SGIP1: variants seen among roughly 807,000 people sequenced by gnomAD.
The protein encoded by SGIP1 is SH3GL interacting endocytic adaptor 1.
A neutral mutation model predicts 107.5 loss-of-function variants in SGIP1; 38 were observed. The observed-to-expected ratio is 0.35, with a 90% CI of 0.27 to 0.46. The LOEUF (loss-of-function observed/expected upper bound fraction) is 0.46, where lower values mean the gene tolerates loss of function less well. SGIP1 is among the 20% of genes least tolerant of loss of function. The probability of loss-of-function intolerance (pLI) is 1.00; values close to 1 mark genes in which losing one functional copy is unlikely to be tolerated. For missense variants in SGIP1, 929 were observed against 1,019.5 expected (o/e 0.91, Z 1.21); for synonymous variants, 365 against 366.1 (o/e 1.00, Z 0.03).
intron 12 of SGIP1, 85 bp from the exon 13 acceptor site, chr1:66,676,919 G>C: frequency 9.4e-7 from 1 of 1,064,704 alleles, no homozygotes; most frequent in Non-Finnish European, 1.4e-6. Flanking sequence ...ATTTTGTAAA[G>C]CTCAACTTGA....
intron 18 of SGIP1, among the ~76,000 whole-genome samples, chr1:66,718,048 T>C (rs1244878658): frequency 6.6e-6 from 1 of 152,096 alleles, no homozygotes; most frequent in Non-Finnish European, 1.5e-5. Flanking sequence ...GTCCAAGATA[T>C]TGAAAGCCAA....
At chr1:66,665,496 A>G (rs950112673) in intron 8 of SGIP1, among the ~76,000 whole-genome samples, 43 of 152,194 alleles carry the variant, frequency 2.8e-4, no homozygotes, top group African/African-American at 9.2e-4. Flanking sequence ...CAGTAATGGG[A>G]TCACTGGGTC....
intron 1 of SGIP1, among the ~76,000 whole-genome samples, chr1:66,589,556 C>T (rs1239022575): frequency 6.6e-6 from 1 of 151,864 alleles, no homozygotes; most frequent in Non-Finnish European, 1.5e-5. Flanking sequence ...GGACTTTGTG[C>T]CTCCCCACCA....
intron 1 of SGIP1, among the ~76,000 whole-genome samples, chr1:66,569,237 A>G (rs1056118102): frequency 6.6e-6 from 1 of 151,812 alleles, no homozygotes; most frequent in Non-Finnish European, 1.5e-5. Flanking sequence ...GTCTTATTGC[A>G]TTAGAAAGGG....
At chr1:66,740,781 T>G in intron 23 of SGIP1, 59 bp downstream of exon 23, 1 of 1,109,428 alleles carries the variant, frequency 9.0e-7, no homozygotes. Flanking sequence ...CTTTAGGTAT[T>G]TGCCAACTAT....
At chr1:66,689,958 T>C (rs902153081) in intron 16 of SGIP1, among the ~76,000 whole-genome samples, 6 of 152,252 alleles carry the variant, frequency 3.9e-5, no homozygotes, top group African/African-American at 1.4e-4. Flanking sequence ...ACTGACCGTG[T>C]CACAGATCCC....
chr1:66,657,026 A>G (rs1271459459), intron 7 of SGIP1, among the ~76,000 whole-genome samples: 1 of 151,680 alleles, frequency 6.6e-6, no homozygotes, highest in African/African-American at 2.4e-5. Flanking sequence ...TAAAAATAAA[A>G]TTACCCAGGC....
chr1:66,636,525 G>A (rs563633703), intron 4 of SGIP1, among the ~76,000 whole-genome samples: 2 of 152,286 alleles, frequency 1.3e-5, no homozygotes, highest in East Asian at 3.9e-4. Flanking sequence ...AGCCACATGT[G>A]ACTATTTAAT....
rs60018862 is a variant in SGIP1 at position 66,686,340 on chromosome 1, G to T, written c.1316-2808G>T. 3.5e-3 allele frequency among the ~76,000 whole-genome samples: 528 copies of T among 152,318 alleles called. 6 individuals carry two copies. The highest frequency in any genetic ancestry group is 0.012 in the African/African-American group (504 of 41,570). On this transcript the variant is annotated intron_variant, in intron 15 of 24. Coordinates refer to ENST00000371037, the MANE Select transcript of SGIP1 (RefSeq NM_032291.4). ...TAGACCAGGTTGAGAACAACAAATG[G>T]ATTGAGAGCATGTCAATCGTTGCCA... is the stretch of plus-strand genomic sequence containing the variant.
chr1:66,634,087 A>G (rs751733875), intron 3 of SGIP1: 96 of 1,606,114 alleles, frequency 6.0e-5, no homozygotes, highest in Non-Finnish European at 8.0e-5. Context: ...CAGCAGGGGA[A>G]AAAAAAGACC....
At chr1:66,605,690 G>A (rs555595851) in intron 1 of SGIP1, among the ~76,000 whole-genome samples, 48 of 151,988 alleles carry the variant, frequency 3.2e-4, no homozygotes, top group African/African-American at 1.0e-3. Flanking sequence ...TGTCATGACC[G>A]TTCATCAAGG....
At chr1:66,577,755 C>CCT (rs2061269587) in intron 1 of SGIP1, among the ~76,000 whole-genome samples, 1 of 112,370 alleles carries the variant, frequency 8.9e-6, no homozygotes. Context: ...CTAATGCAGT[C>CCT]CTGTGTGTGT....
intron 8 of SGIP1, among the ~76,000 whole-genome samples, chr1:66,663,606 T>C (rs1185413688): frequency 1.3e-5 from 2 of 152,140 alleles, no homozygotes; most frequent in African/African-American, 4.8e-5. Context: ...TTATAGACCT[T>C]GAGGCTTTCT....
intron 1 of SGIP1, among the ~76,000 whole-genome samples, chr1:66,599,039 A>G (rs1301994838): frequency 1.3e-5 from 2 of 152,206 alleles, no homozygotes; most frequent in Non-Finnish European, 2.9e-5. Context: ...CTCAGCAAGC[A>G]ACATACCCCT....
At chr1:66,683,695 C>CTTTTTTTTTTTTTTTTTTTTTT (rs2087369004) in intron 15 of SGIP1, among the ~76,000 whole-genome samples, 1 of 53,792 alleles carries the variant, frequency 1.9e-5, no homozygotes, top group Non-Finnish European at 4.0e-5. Flanking sequence ...TTGTTTGTTT[C>CTTTTTTTTTTTTTTTTTTTTTT]TTTTCTTTTT....
chr1:66,634,791 T>A (rs2075463407), intron 3 of SGIP1, among the ~76,000 whole-genome samples: 1 of 152,218 alleles, frequency 6.6e-6, no homozygotes, highest in Admixed American at 6.5e-5. Context: ...AATTGGACAT[T>A]ATTAGCCAGC....
intron 1 of SGIP1, among the ~76,000 whole-genome samples, chr1:66,621,673 A>G (rs1318633449): frequency 6.6e-6 from 1 of 152,212 alleles, no homozygotes; most frequent in Non-Finnish European, 1.5e-5. Context: ...TACTCTGGAA[A>G]TTTCATATAA....
At chr1:66,570,588 C>T (rs1055961053) in intron 1 of SGIP1, among the ~76,000 whole-genome samples, 20 of 151,804 alleles carry the variant, frequency 1.3e-4, no homozygotes, top group Non-Finnish European at 2.2e-4. Context: ...AATTTCATTG[C>T]CATCTATCCA....
At chr1:66,589,336 T>C (rs1437994260) in intron 1 of SGIP1, among the ~76,000 whole-genome samples, 2 of 149,372 alleles carry the variant, frequency 1.3e-5, no homozygotes, top group African/African-American at 4.9e-5. Flanking sequence ...TTTTAGACTT[T>C]GTTTTCTTAA....
Sources: gnomAD v4.1 joint callset for allele counts (sites outside exome capture counted in the v4.1 genomes callset) on GRCh38, gnomAD v4.1.1 for gene constraint, MANE v1.5 for transcripts, NCBI Gene and HGNC (gene_info 2026-07-23, HGNC 2026-07-21) for gene names.